Variants in TRAM1 observed in about 807,000 individuals in gnomAD.
The protein encoded by TRAM1 is translocating chain-associated membrane protein 1.
In TRAM1, 17 loss-of-function variants were observed where a neutral mutation model predicts 48.7. The observed-to-expected ratio is 0.35, with a 90% CI of 0.24 to 0.52. The LOEUF (loss-of-function observed/expected upper bound fraction) is 0.52. TRAM1 is among the 20% of genes least tolerant of loss of function. The pLI, the probability that TRAM1 is intolerant of heterozygous loss-of-function variation, is 0.94. For synonymous variants in TRAM1, 182 were observed against 154.0 expected (o/e 1.18, Z -1.34); for missense variants, 351 against 441.5 (o/e 0.79, Z 1.84).
chr8:70,596,023 T>A (rs537585120), intron 5 of TRAM1, among the ~76,000 whole-genome samples: 13 of 152,072 alleles, frequency 8.5e-5, no homozygotes, highest in African/African-American at 3.1e-4. Flanking sequence ...GAGTACCAAA[T>A]TAAGTTATGT....
chr8:70,586,616 A>G (rs550487398), intron 8 of TRAM1, among the ~76,000 whole-genome samples: 43 of 152,314 alleles, frequency 2.8e-4, no homozygotes, highest in Non-Finnish European at 5.4e-4. Context: ...CCTCCAAAAG[A>G]AAAACCATGC....
At chr8:70,578,054 T>C (rs1402348860) in intron 10 of TRAM1, among the ~76,000 whole-genome samples, 1 of 152,108 alleles carries the variant, frequency 6.6e-6, no homozygotes, top group Non-Finnish European at 1.5e-5. Context: ...TTGACAGGTG[T>C]AGGATCTGGG....
rs1313655267 is a variant in TRAM1 at position 70,606,968 on chromosome 8, CT to C, written c.123+1108del. On this transcript the variant is annotated intron_variant, in intron 1 of 10. Coordinates refer to ENST00000262213, the MANE Select transcript of TRAM1 (RefSeq NM_014294.6). ...TTTAAGCACTCCTATGTCCCAGGCA[CT>C]ATCCTAGACTCTGGAAATACAGACT... 14 of 971,154 alleles carry C rather than the reference CT, an allele frequency of 1.4e-5. No individual in the cohort carries two copies. In the East Asian group the frequency reaches 1.1e-3, roughly 79 times the overall value. 60.2% of individuals were successfully genotyped at this position (971,154 alleles called of 1,614,324 possible).
chr8:70,579,760 C>T (rs192233833), intron 10 of TRAM1, among the ~76,000 whole-genome samples: 189 of 152,062 alleles, frequency 1.2e-3, no homozygotes, highest in African/African-American at 4.4e-3. Flanking sequence ...AATGAAATAC[C>T]GAAAGGTCTC....
At chr8:70,606,040 A>G (rs1817711582) in intron 1 of TRAM1, among the ~76,000 whole-genome samples, 1 of 152,248 alleles carries the variant, frequency 6.6e-6, no homozygotes, top group South Asian at 2.1e-4. Flanking sequence ...CCCCTAAAAT[A>G]TGTTTTTAAA....
chr8:70,605,807 A>T lies in TRAM1; in HGVS notation c.123+2270T>A, dbSNP rs186050432. ...AAACCTCTATTTAGTATTTTTGTCTATTTAGATTTTCAAATTTTATAAATT... is the reference window on the plus strand; with the variant it reads ...AAACCTCTATTTAGTATTTTTGTCTTTTTAGATTTTCAAATTTTATAAATT... On this transcript the variant is annotated intron_variant, in intron 1 of 10. Coordinates refer to ENST00000262213, the MANE Select transcript of TRAM1 (RefSeq NM_014294.6). Among the ~76,000 whole-genome samples, 312 of 152,336 alleles carry T rather than the reference A, an allele frequency of 2.0e-3. 2 individuals are homozygous for T. The highest frequency in any genetic ancestry group is 7.3e-3 in the African/African-American group (304 of 41,578).
chr8:70,590,057 C>T (rs923514758), intron 6 of TRAM1, among the ~76,000 whole-genome samples: 6 of 151,656 alleles, frequency 4.0e-5, no homozygotes, highest in Non-Finnish European at 1.5e-5. Flanking sequence ...CCAAGAAAAC[C>T]CTTAAAACTT....
In TRAM1 at chr8:70,574,917, T is replaced by G. The variant is rs1426311018; in HGVS notation, c.*15A>C. Reference sequence around the variant, plus strand: ...AGATTTCTTTGGGGACATTAATCAATTAGTTTATAATTCATTATGAAGATT... The same window carrying G: ...AGATTTCTTTGGGGACATTAATCAAGTAGTTTATAATTCATTATGAAGATT... On this transcript the variant is annotated 3_prime_UTR_variant, in exon 11 of 11. Coordinates refer to ENST00000262213, the MANE Select transcript of TRAM1 (RefSeq NM_014294.6). 2.6e-6 allele frequency: 4 copies of G among 1,537,292 alleles called. No homozygotes were observed. The African/African-American group carries it at 4.1e-5, about 16-fold the overall frequency.
intron 10 of TRAM1, among the ~76,000 whole-genome samples, chr8:70,577,300 A>T (rs554820468): frequency 4.6e-5 from 7 of 152,280 alleles, no homozygotes; most frequent in African/African-American, 1.7e-4. Flanking sequence ...CTGGGCAGAA[A>T]GGGGTGGGCC....
At chr8:70,586,451 A>T (rs1258590681) in intron 8 of TRAM1, among the ~76,000 whole-genome samples, 1 of 152,072 alleles carries the variant, frequency 6.6e-6, no homozygotes, top group African/African-American at 2.4e-5. Flanking sequence ...AAAGAGTCCC[A>T]GTTTTACTTT....
chr8:70,575,272 A>T (rs1367806461), intron 10 of TRAM1, among the ~76,000 whole-genome samples: 1 of 152,252 alleles, frequency 6.6e-6, no homozygotes, highest in Non-Finnish European at 1.5e-5. Flanking sequence ...TAAAAATAGT[A>T]TTCAAGAGAA....
Position 70,574,958 on chromosome 8 carries a change from G to A in TRAM1, c.1099C>T (p.Arg367Trp), listed in dbSNP as rs531645612. Residue 367 changes from arginine to tryptophan, a missense_variant, in exon 11 of 11, where the codon CGG (arginine) becomes TGG (tryptophan). Arg to Trp is a moderately radical substitution (Grantham distance 101). Transcript: ENST00000262213. ...TLTSNVADSP[R>W]NKKEKSS ...TATGAAGATTTCTCTTTTTTATTCC[G>A]GGGAGAGTCTGCTACATTTGAAGTT... is the stretch of plus-strand genomic sequence containing the variant. 1.3e-5 allele frequency: 21 copies of A among 1,609,642 alleles called. No homozygotes were observed. The highest frequency in any genetic ancestry group is 4.5e-5 in the East Asian group (2 of 44,654).
chr8:70,579,171 T>C (rs1485982581), intron 10 of TRAM1, among the ~76,000 whole-genome samples: 2 of 152,250 alleles, frequency 1.3e-5, no homozygotes, highest in African/African-American at 4.8e-5. Flanking sequence ...CAGAATGTAC[T>C]TCCACAAATC....
intron 6 of TRAM1, among the ~76,000 whole-genome samples, chr8:70,588,805 T>C (rs970719560): frequency 6.6e-6 from 1 of 152,238 alleles, no homozygotes; most frequent in African/African-American, 2.4e-5. Flanking sequence ...TCATTTCTAA[T>C]TTCCTTTGTT....
chr8:70,596,113 T>C, intron 5 of TRAM1, 150 bp downstream of exon 5: 2 of 504,074 alleles, frequency 4.0e-6, no homozygotes, highest in Non-Finnish European at 6.7e-6. Context: ...CAGCTTTTTT[T>C]TTCTTACGGC....
Position 70,583,361 on chromosome 8 carries a change from AAAAC to A in TRAM1, c.891-41_891-38del, listed in dbSNP as rs749474874. The A allele has an allele frequency of 1.9e-6, 3 of 1,591,952 alleles. No individual in the cohort carries two copies. In the South Asian group the frequency reaches 3.4e-5, roughly 18 times the overall value. ...TAAGACATAAAAAGTTAGTGTATAAAAAACAATGCCACTGAATACATTCTATCAT... is the reference window on the plus strand; with the variant it reads ...TAAGACATAAAAAGTTAGTGTATAAAAATGCCACTGAATACATTCTATCAT... On this transcript the variant is annotated intron_variant, in intron 9 of 10. Coordinates refer to ENST00000262213, the MANE Select transcript of TRAM1 (RefSeq NM_014294.6).
intron 2 of TRAM1, 74 bp downstream of exon 2, chr8:70,599,945 C>T (rs1563390168): frequency 9.2e-7 from 1 of 1,087,792 alleles, no homozygotes; most frequent in East Asian, 2.4e-5. Flanking sequence ...CAGGACCTAG[C>T]ATTCATGAAA....
At chr8:70,583,053 G>A (rs1817114605) in intron 10 of TRAM1, 111 bp downstream of exon 10, 1 of 1,221,730 alleles carries the variant, frequency 8.2e-7, no homozygotes, top group African/African-American at 1.5e-5. Flanking sequence ...TTGAAAAGCA[G>A]AATAGTATTT....
At position 70,583,249 on chromosome 8, in the gene TRAM1, C is replaced by T. The variant is rs1450006404; in HGVS notation, c.966G>A (p.Arg322=). Reference sequence around the variant, plus strand: ...CCTGAAAAGCAGAATGTTCCCTCCACCTTCGAAGCTGAAAATTAATGAACT... The same window carrying T: ...CCTGAAAAGCAGAATGTTCCCTCCATCTTCGAAGCTGAAAATTAATGAACT... ...MWKFINFQLR[R]WREHSAFQAP... The change falls in exon 10 of 11, where the codon AGG becomes AGA. Residue 322 remains arginine, a synonymous_variant. Coordinates refer to ENST00000262213, the MANE Select transcript of TRAM1 (RefSeq NM_014294.6). 1 of 1,613,892 alleles carries T rather than the reference C, an allele frequency of 6.2e-7. No homozygotes were observed.
Sources: gnomAD v4.1 joint callset for allele counts (sites outside exome capture counted in the v4.1 genomes callset) on GRCh38, gnomAD v4.1.1 for gene constraint, MANE v1.5 for transcripts, NCBI Gene and HGNC (gene_info 2026-07-23, HGNC 2026-07-21) for gene names.